Variants in ERBIN observed in about 807,000 individuals in gnomAD.
ERBIN encodes erbb2 interacting protein.
In ERBIN, 60 loss-of-function variants were observed where a neutral mutation model predicts 158.4. The observed-to-expected ratio is 0.38, with a 90% CI of 0.31 to 0.47. The LOEUF (loss-of-function observed/expected upper bound fraction) is 0.47. ERBIN is among the 20% of genes least tolerant of loss of function. The pLI is 0.99. For synonymous variants in ERBIN, 594 were observed against 557.2 expected (o/e 1.07, Z -0.93); for missense variants, 1,610 against 1,648.0 (o/e 0.98, Z 0.40).
intron 9 of ERBIN, among the ~76,000 whole-genome samples, chr5:66,023,966 C>A (rs1200996712): frequency 6.6e-6 from 1 of 152,058 alleles, no homozygotes; most frequent in African/African-American, 2.4e-5. Context: ...CGTGAGCCAC[C>A]GCGCCCAGCC....
At chr5:65,962,195 C>A (rs1339859383) in intron 1 of ERBIN, among the ~76,000 whole-genome samples, 1 of 152,086 alleles carries the variant, frequency 6.6e-6, no homozygotes, top group Admixed American at 6.6e-5. Flanking sequence ...TGCAAAAGTT[C>A]TATAGGTCAG....
chr5:66,036,655 A>G (rs1561406884), intron 14 of ERBIN, among the ~76,000 whole-genome samples: 1 of 152,148 alleles, frequency 6.6e-6, no homozygotes, highest in Non-Finnish European at 1.5e-5. Context: ...TAAACTCTAC[A>G]GTAAAGTCAG....
intron 1 of ERBIN, among the ~76,000 whole-genome samples, chr5:65,956,420 C>G (rs991996575): frequency 7.4e-6 from 1 of 134,296 alleles, no homozygotes; most frequent in Non-Finnish European, 1.5e-5. Context: ...TGTCACCAAG[C>G]TGGAGTGCAG....
intron 1 of ERBIN, among the ~76,000 whole-genome samples, chr5:65,944,993 G>T (rs1745567094): frequency 6.6e-6 from 1 of 152,086 alleles, no homozygotes; most frequent in South Asian, 2.1e-4. Flanking sequence ...GAAAAAAATG[G>T]AGCAAATGAT....
At chr5:65,965,170 A>ATAAAATGTGAACTGCT in intron 1 of ERBIN, among the ~76,000 whole-genome samples, 1 of 149,980 alleles carries the variant, frequency 6.7e-6, no homozygotes, top group African/African-American at 2.4e-5. Flanking sequence ...TGTGATTAGA[A>ATAAAATGTGAACTGCT]TAAAATGTAA....
chr5:65,934,077 T>C (rs1224071615), intron 1 of ERBIN, among the ~76,000 whole-genome samples: 2 of 152,126 alleles, frequency 1.3e-5, no homozygotes, highest in Non-Finnish European at 2.9e-5. Context: ...TTTGTATTTT[T>C]AGTAGAGATG....
chr5:66,064,015 C>T (rs1022598020), intron 21 of ERBIN, among the ~76,000 whole-genome samples: 1 of 152,038 alleles, frequency 6.6e-6, no homozygotes, highest in African/African-American at 2.4e-5. Flanking sequence ...ATAACTGGTT[C>T]AAAAGATGAA....
intron 7 of ERBIN, among the ~76,000 whole-genome samples, chr5:66,018,218 CAG>C (rs1489821321): frequency 6.7e-6 from 1 of 150,212 alleles, no homozygotes; most frequent in Non-Finnish European, 1.5e-5. Context: ...TTAAGAATGT[CAG>C]TGTTTTGATA....
intron 4 of ERBIN, among the ~76,000 whole-genome samples, chr5:66,005,005 A>G (rs1753432271): frequency 6.6e-6 from 1 of 152,192 alleles, no homozygotes; most frequent in Non-Finnish European, 1.5e-5. Context: ...ATTTACCGTC[A>G]GTAGAATAGA....
At chr5:66,061,873 C>T (rs1475714859) in intron 21 of ERBIN, among the ~76,000 whole-genome samples, 1 of 152,154 alleles carries the variant, frequency 6.6e-6, no homozygotes, top group Non-Finnish European at 1.5e-5. Context: ...ATATTGGCCC[C>T]CACTCTCTTC....
intron 4 of ERBIN, among the ~76,000 whole-genome samples, chr5:65,999,832 G>A (rs1185361839): frequency 6.6e-6 from 1 of 152,146 alleles, no homozygotes; most frequent in African/African-American, 2.4e-5. Flanking sequence ...ATTAGTGCTT[G>A]GTGGTGCCTG....
intron 10 of ERBIN, chr5:66,025,254 AG>A (rs1756112607): frequency 2.0e-6 from 1 of 494,354 alleles, no homozygotes; most frequent in South Asian, 2.6e-5. Flanking sequence ...TTTTAGTGGG[AG>A]TTAATAAACA....
intron 14 of ERBIN, 117 bp downstream of exon 14, chr5:66,028,460 A>G: frequency 5.5e-6 from 3 of 543,870 alleles, no homozygotes; most frequent in Middle Eastern, 6.0e-4. Context: ...ATGTAAACAT[A>G]TCTTTTATAT....
At chr5:66,030,477 A>G (rs1019457510) in intron 14 of ERBIN, among the ~76,000 whole-genome samples, 6 of 151,756 alleles carry the variant, frequency 4.0e-5, no homozygotes, top group Admixed American at 2.6e-4. Flanking sequence ...ACCCCATCTT[A>G]TGCCATTTAC....
chr5:66,053,824 A>C lies in ERBIN; in HGVS notation c.2506A>C (p.Thr836Pro). The C allele has an allele frequency of 6.2e-7, 1 of 1,614,050 alleles. No homozygotes were observed. Among genetic ancestry groups the C allele is most frequent in the Non-Finnish European group, 8.5e-7 (1 of 1,180,024 alleles). Residue 836 changes from threonine (T) to proline (P), a missense_variant, in exon 21 of 26, where the codon ACT (threonine) becomes CCT (proline). By Grantham distance (38) the Thr-to-Pro change is conservative. Coordinates refer to ENST00000284037, the MANE Select transcript of ERBIN (RefSeq NM_001253697.2). The stretch of plus-strand genomic sequence containing the variant: ...GGAAACTTCCCAGTCTCCTAATAGG[A>C]CTGAACCACATGACAGTGATTGTTC... ...SEETSQSPNR[T>P]EPHDSDCSVD...
chr5:66,003,237 G>A (rs961728637), intron 4 of ERBIN, among the ~76,000 whole-genome samples: 2 of 152,180 alleles, frequency 1.3e-5, no homozygotes, highest in African/African-American at 2.4e-5. Flanking sequence ...ACAGTGGGAT[G>A]TTGACACCTG....
intron 1 of ERBIN, among the ~76,000 whole-genome samples, 191 bp downstream of exon 1, chr5:65,926,997 GC>G (rs564334619): frequency 1.6e-4 from 21 of 130,094 alleles, no homozygotes; most frequent in African/African-American, 4.4e-4. Context: ...TCTCCCCCCT[GC>G]CCCCCCCACC....
intron 1 of ERBIN, among the ~76,000 whole-genome samples, chr5:65,957,180 A>G (rs1747241387): frequency 6.6e-6 from 1 of 151,654 alleles, no homozygotes; most frequent in Non-Finnish European, 1.5e-5. Context: ...CCAATTTAGG[A>G]TGGTTCAATG....
At chr5:65,947,028 G>C (rs77919223) in intron 1 of ERBIN, among the ~76,000 whole-genome samples, 1,693 of 151,876 alleles carry the variant, frequency 0.011, 27 homozygotes, top group African/African-American at 0.038. Flanking sequence ...TAGTTTGCAG[G>C]TATTTTCTCC....
Sources: allele counts gnomAD v4.1 joint callset (sites outside exome capture counted in the v4.1 genomes callset), GRCh38; gene constraint gnomAD v4.1.1; transcripts MANE v1.5; gene names NCBI Gene and HGNC (gene_info 2026-07-23, HGNC 2026-07-21).